The following ZMAT4 variants were observed in gnomAD, a reference collection of about 807,000 sequenced individuals.
ZMAT4 encodes the protein zinc finger matrin-type protein 4.
Under a neutral mutation model 28.7 loss-of-function variants are expected in ZMAT4, and 17 were observed. That is an observed-to-expected ratio of 0.59 (90% CI 0.41 to 0.89). The LOEUF is 0.89. Among genes scored for constraint, ZMAT4 ranks in the 40% least tolerant of loss-of-function variants. The pLI is 0.00. For synonymous variants in ZMAT4, 117 were observed against 109.2 expected (o/e 1.07, Z -0.44); for missense variants, 240 against 283.8 (o/e 0.85, Z 1.11).
At chr8:40,693,305 A>G (rs1412389639) in intron 4 of ZMAT4, among the ~76,000 whole-genome samples, 1 of 152,034 alleles carries the variant, frequency 6.6e-6, no homozygotes, top group East Asian at 1.9e-4. Context: ...TTGTAGGGAA[A>G]GGGTCTCACT....
intron 5 of ZMAT4, among the ~76,000 whole-genome samples, chr8:40,659,025 A>G (rs1353962319): frequency 6.6e-6 from 1 of 152,194 alleles, no homozygotes; most frequent in South Asian, 2.1e-4. Context: ...ATGGATCCCC[A>G]AGACGTGGTT....
At chr8:40,644,027 G>A (rs2118778946) in intron 5 of ZMAT4, among the ~76,000 whole-genome samples, 1 of 152,222 alleles carries the variant, frequency 6.6e-6, no homozygotes, top group South Asian at 2.1e-4. Flanking sequence ...TTTTAAACCA[G>A]GGTAATGGCA....
chr8:40,766,309 G>A (rs949639113), intron 3 of ZMAT4, among the ~76,000 whole-genome samples: 5 of 152,164 alleles, frequency 3.3e-5, no homozygotes, highest in South Asian at 2.1e-4. Context: ...GCAACACTGC[G>A]TCTTATTTAG....
chr8:40,675,336 C>T lies in ZMAT4; in HGVS notation c.350-405G>A, dbSNP rs1808865187. On this transcript the variant is annotated intron_variant, in intron 4 of 6. Coordinates refer to ENST00000297737, the MANE Select transcript of ZMAT4 (RefSeq NM_024645.3). Reference sequence around the variant, plus strand: ...GCCTTTCCCACTCACTTTTAAAATGCATTCTGCTCTAACATTGGCATTTAG... The same window carrying T: ...GCCTTTCCCACTCACTTTTAAAATGTATTCTGCTCTAACATTGGCATTTAG... Among the ~76,000 whole-genome samples, 3 of 152,100 alleles carry T rather than the reference C, an allele frequency of 2.0e-5. No individual in the cohort carries two copies. The South Asian group carries it at 6.2e-4, about 32-fold the overall frequency.
intron 5 of ZMAT4, among the ~76,000 whole-genome samples, chr8:40,655,753 A>G (rs1246057535): frequency 6.6e-6 from 1 of 152,142 alleles, no homozygotes; most frequent in African/African-American, 2.4e-5. Context: ...TTCCACATGC[A>G]AAAGAATAAA....
chr8:40,840,901 C>G (rs1294998671), intron 1 of ZMAT4, among the ~76,000 whole-genome samples: 1 of 152,176 alleles, frequency 6.6e-6, no homozygotes. Context: ...TTCAATAACA[C>G]TTCCTACCCA....
chr8:40,709,247 T>A (rs1302765889), intron 3 of ZMAT4, among the ~76,000 whole-genome samples: 1 of 152,156 alleles, frequency 6.6e-6, no homozygotes, highest in African/African-American at 2.4e-5. Context: ...GTATTTTTTT[T>A]ATTGTTGTAT....
intron 5 of ZMAT4, among the ~76,000 whole-genome samples, chr8:40,586,294 AT>A (rs1176039956): frequency 6.6e-6 from 1 of 152,148 alleles, no homozygotes; most frequent in African/African-American, 2.4e-5. Context: ...TGTTCAATTC[AT>A]TTTCAGCGCA....
chr8:40,822,595 A>G (rs1411307585), intron 2 of ZMAT4, among the ~76,000 whole-genome samples: 1 of 152,214 alleles, frequency 6.6e-6, no homozygotes, highest in Non-Finnish European at 1.5e-5. Context: ...GATGCAAGCC[A>G]TCTTCTTAGA....
At chr8:40,826,380 TA>T (rs1449840838) in intron 1 of ZMAT4, among the ~76,000 whole-genome samples, 6 of 152,154 alleles carry the variant, frequency 3.9e-5, no homozygotes, top group Non-Finnish European at 8.8e-5. Flanking sequence ...ATAGATGCAT[TA>T]AAAAACATTC....
chr8:40,830,316 C>G (rs938319923), intron 1 of ZMAT4, among the ~76,000 whole-genome samples: 1 of 152,044 alleles, frequency 6.6e-6, no homozygotes, highest in East Asian at 1.9e-4. Flanking sequence ...ATGGTATAAC[C>G]CTCACCCCCT....
chr8:40,640,116 A>G (rs1206336268), intron 5 of ZMAT4, among the ~76,000 whole-genome samples: 1 of 152,106 alleles, frequency 6.6e-6, no homozygotes, highest in East Asian at 1.9e-4. Flanking sequence ...AGCTTGGACT[A>G]CAGGTGTGCA....
intron 1 of ZMAT4, among the ~76,000 whole-genome samples, chr8:40,870,204 C>T (rs1246869498): frequency 6.6e-6 from 1 of 152,178 alleles, no homozygotes; most frequent in Non-Finnish European, 1.5e-5. Context: ...TTTACCTGCA[C>T]AGCAAGACAG....
intron 2 of ZMAT4, among the ~76,000 whole-genome samples, chr8:40,804,910 A>G (rs1415945631): frequency 6.6e-6 from 1 of 151,930 alleles, no homozygotes; most frequent in Non-Finnish European, 1.5e-5. Flanking sequence ...GCTCAGATAT[A>G]CTATAATATC....
intron 3 of ZMAT4, among the ~76,000 whole-genome samples, chr8:40,757,150 T>C (rs1432366081): frequency 6.6e-6 from 1 of 152,152 alleles, no homozygotes; most frequent in Non-Finnish European, 1.5e-5. Context: ...GTTCATAGTA[T>C]GGAAGCCGAA....
chr8:40,567,104 A>G (rs759488507), intron 6 of ZMAT4, among the ~76,000 whole-genome samples: 3 of 152,188 alleles, frequency 2.0e-5, no homozygotes, highest in Non-Finnish European at 4.4e-5. Flanking sequence ...AAAGACAGAT[A>G]TATCTCTGGA....
At chr8:40,809,484 T>C (rs969250230) in intron 2 of ZMAT4, among the ~76,000 whole-genome samples, 3 of 152,160 alleles carry the variant, frequency 2.0e-5, no homozygotes, top group African/African-American at 4.8e-5. Context: ...CTTGATATTA[T>C]TTATAAAAAA....
intron 6 of ZMAT4, among the ~76,000 whole-genome samples, chr8:40,564,435 C>T (rs142784483): frequency 5.9e-5 from 9 of 152,180 alleles, no homozygotes; most frequent in Admixed American, 3.9e-4. Flanking sequence ...ATTTCAGTCT[C>T]GGGCCACCCC....
At chr8:40,876,230 C>T (rs555014434) in intron 1 of ZMAT4, among the ~76,000 whole-genome samples, 19 of 152,136 alleles carry the variant, frequency 1.2e-4, no homozygotes, top group Non-Finnish European at 2.1e-4. Context: ...CTCCTCAACA[C>T]GAAGACAATG....
Sources: allele counts gnomAD v4.1 joint callset (sites outside exome capture counted in the v4.1 genomes callset), GRCh38; gene constraint gnomAD v4.1.1; transcripts MANE v1.5; gene names NCBI Gene and HGNC (gene_info 2026-07-23, HGNC 2026-07-21).